Variants in VWA8 observed in about 807,000 individuals in gnomAD.
VWA8 encodes the protein von Willebrand factor A domain containing 8.
VWA8 carries 221 observed loss-of-function variants against 241.5 expected under a neutral mutation model. The observed-to-expected ratio is 0.91, with a 90% CI of 0.82 to 1.02. The LOEUF (loss-of-function observed/expected upper bound fraction) is 1.02, where lower values mean the gene tolerates loss of function less well. VWA8 is among the 50% of genes least tolerant of loss of function. VWA8 has a pLI of 0.00. For synonymous variants in VWA8, 852 were observed against 827.1 expected (o/e 1.03, Z -0.52); for missense variants, 2,322 against 2,328.7 (o/e 1.00, Z 0.06).
chr13:41,697,804 G>A (rs1004502086), intron 29 of VWA8, among the ~76,000 whole-genome samples: 1 of 152,132 alleles, frequency 6.6e-6, no homozygotes, highest in African/African-American at 2.4e-5. Flanking sequence ...GGGGACCCCT[G>A]CTCTGCACAA....
intron 22 of VWA8, among the ~76,000 whole-genome samples, chr13:41,731,448 T>A (rs1235215435): frequency 2.6e-5 from 4 of 151,564 alleles, no homozygotes; most frequent in Admixed American, 6.6e-5. Context: ...TAGTAAACTT[T>A]AAAAAAAAAT....
At chr13:41,689,084 C>T (rs1480007311) in intron 34 of VWA8, among the ~76,000 whole-genome samples, 1 of 152,096 alleles carries the variant, frequency 6.6e-6, no homozygotes, top group East Asian at 1.9e-4. Flanking sequence ...AGCATTTAAA[C>T]TGTATTACAT....
Position 41,615,026 on chromosome 13 carries a change from T to G in VWA8, c.4670A>C (p.Asp1557Ala), listed in dbSNP as rs754645120. The change falls in exon 38 of 45, where the codon GAC becomes GCC. Residue 1557 changes from aspartate to alanine, a missense_variant. By Grantham distance (126) the Asp-to-Ala change is moderately radical. Transcript: ENST00000379310. ...DVSSPKHGKE[D>A]PDNMPHVGGN... is the part of the protein sequence containing the mutation. ...GCCCACGTGAGGCATGTTGTCTGGGTCCTCCTTCCCGTGTTTGGGGGAGCT... is the reference window on the plus strand; with the variant it reads ...GCCCACGTGAGGCATGTTGTCTGGGGCCTCCTTCCCGTGTTTGGGGGAGCT... 6 of 1,613,752 alleles carry G rather than the reference T, an allele frequency of 3.7e-6. No homozygotes were observed. Among genetic ancestry groups the G allele is most frequent in the Admixed American group, 1.7e-5 (1 of 59,982 alleles).
At chr13:41,933,184 T>C (rs1419340078) in intron 2 of VWA8, among the ~76,000 whole-genome samples, 1 of 151,988 alleles carries the variant, frequency 6.6e-6, no homozygotes, top group African/African-American at 2.4e-5. Flanking sequence ...TGTACTTCTA[T>C]GTTTAAGTTA....
intron 36 of VWA8, among the ~76,000 whole-genome samples, chr13:41,673,232 A>T (rs1378221635): frequency 6.6e-6 from 1 of 152,220 alleles, no homozygotes; most frequent in African/African-American, 2.4e-5. Context: ...AACTTTGAAG[A>T]AAATTATGTG....
At chr13:41,680,484 T>A (rs894236410) in intron 35 of VWA8, among the ~76,000 whole-genome samples, 8 of 152,162 alleles carry the variant, frequency 5.3e-5, no homozygotes, top group African/African-American at 1.7e-4. Flanking sequence ...ACTTTATATA[T>A]GTTTGGAATA....
chr13:41,818,032 G>A (rs1415650484), intron 15 of VWA8, among the ~76,000 whole-genome samples: 3 of 150,984 alleles, frequency 2.0e-5, no homozygotes, highest in Admixed American at 6.6e-5. Context: ...GTGTGATCTC[G>A]GCTCACTGCA....
chr13:41,725,563 T>C (rs145304750), intron 24 of VWA8, among the ~76,000 whole-genome samples: 78 of 152,122 alleles, frequency 5.1e-4, no homozygotes, highest in African/African-American at 1.9e-3. Flanking sequence ...AGAGTAGGGT[T>C]GGAGAGAATG....
chr13:41,602,348 T>C (rs947037134), intron 40 of VWA8, among the ~76,000 whole-genome samples: 1 of 152,062 alleles, frequency 6.6e-6, no homozygotes, highest in Non-Finnish European at 1.5e-5. Flanking sequence ...CAAACAATAA[T>C]GAACTGAGCT....
At chr13:41,738,472 C>A (rs2045542581) in intron 21 of VWA8, among the ~76,000 whole-genome samples, 1 of 152,120 alleles carries the variant, frequency 6.6e-6, no homozygotes. Context: ...AATCTACTTA[C>A]CTCTACCACG....
chr13:41,717,328 T>G (rs2045354288), intron 26 of VWA8, among the ~76,000 whole-genome samples: 1 of 151,818 alleles, frequency 6.6e-6, no homozygotes, highest in Non-Finnish European at 1.5e-5. Flanking sequence ...TTTTAAAATA[T>G]TTTTAAAAAT....
intron 37 of VWA8, among the ~76,000 whole-genome samples, chr13:41,640,773 CTGT>C (rs2044790508): frequency 6.6e-6 from 1 of 152,174 alleles, no homozygotes; most frequent in African/African-American, 2.4e-5. Context: ...ACAGATTCAT[CTGT>C]TGTTTGATGG....
At chr13:41,736,074 G>A (rs981019693) in intron 21 of VWA8, among the ~76,000 whole-genome samples, 4 of 152,124 alleles carry the variant, frequency 2.6e-5, no homozygotes, top group African/African-American at 9.7e-5. Flanking sequence ...CAATACTAGG[G>A]AGAAGAAAAC....
At chr13:41,773,336 G>T (rs1868418661) in intron 20 of VWA8, among the ~76,000 whole-genome samples, 1 of 152,186 alleles carries the variant, frequency 6.6e-6, no homozygotes, top group Non-Finnish European at 1.5e-5. Context: ...GTGAGCAGGT[G>T]CATCAAATAT....
chr13:41,653,211 G>T (rs2139689344), intron 37 of VWA8, among the ~76,000 whole-genome samples: 1 of 152,174 alleles, frequency 6.6e-6, no homozygotes, highest in East Asian at 1.9e-4. Context: ...CAATAAAACT[G>T]CCTGTTATAA....
intron 39 of VWA8, among the ~76,000 whole-genome samples, chr13:41,610,213 T>C (rs956344334): frequency 2.0e-5 from 3 of 152,176 alleles, no homozygotes; most frequent in African/African-American, 7.2e-5. Flanking sequence ...TCTAAATGGG[T>C]ACTTTATAAT....
chr13:41,653,038 G>T (rs1387904441), intron 37 of VWA8, among the ~76,000 whole-genome samples: 1 of 152,096 alleles, frequency 6.6e-6, no homozygotes, highest in African/African-American at 2.4e-5. Flanking sequence ...ATGGTTAAAT[G>T]TAACAAGATA....
At chr13:41,753,704 G>A (rs964107666) in intron 21 of VWA8, among the ~76,000 whole-genome samples, 1 of 152,096 alleles carries the variant, frequency 6.6e-6, no homozygotes, top group South Asian at 2.1e-4. Context: ...TTTTGTGTAT[G>A]TTTGCTGACA....
intron 14 of VWA8, among the ~76,000 whole-genome samples, chr13:41,824,839 A>T (rs1200399258): frequency 9.3e-6 from 1 of 107,366 alleles, no homozygotes; most frequent in Non-Finnish European, 2.3e-5. Flanking sequence ...ACAGAAAAAG[A>T]AAAAAAAAAG....
Sources: allele counts gnomAD v4.1 joint callset (sites outside exome capture counted in the v4.1 genomes callset), GRCh38; gene constraint gnomAD v4.1.1; transcripts MANE v1.5; gene names NCBI Gene and HGNC (gene_info 2026-07-23, HGNC 2026-07-21).